KLHL32: variants seen among roughly 807,000 people sequenced by gnomAD.
KLHL32 encodes the protein kelch-like protein 32.
In KLHL32, 35 loss-of-function variants were observed where a neutral mutation model predicts 64.8. The observed-to-expected ratio is 0.54, with a 90% CI of 0.41 to 0.72. The LOEUF is 0.72. KLHL32 is among the 30% of genes least tolerant of loss of function. KLHL32 has a pLI of 0.00. For missense variants in KLHL32, 589 were observed against 768.5 expected, an observed-to-expected ratio of 0.77 and a Z score of 2.76; for synonymous variants, 259 against 281.0, an observed-to-expected ratio of 0.92 and a Z score of 0.78.
At chr6:96,906,891 C>G in the KLHL32 span, among the ~76,000 whole-genome samples, 2 of 152,148 alleles carry the variant, frequency 1.3e-5, no homozygotes, top group Admixed American at 1.3e-4. Context: ...GGCACAGTAG[C>G]TCTTATATGT....
At chr6:96,923,670 A>G (rs904160091), upstream of KLHL32, among the ~76,000 whole-genome samples, 18 of 152,260 alleles carry the variant, frequency 1.2e-4, no homozygotes, top group Admixed American at 1.2e-3. Flanking sequence ...AGATCAGGGC[A>G]CTGTTCCTAG....
intron 5 of KLHL32, among the ~76,000 whole-genome samples, chr6:97,072,443 A>G (rs1790894639): frequency 6.6e-6 from 1 of 152,154 alleles, no homozygotes; most frequent in South Asian, 2.1e-4. Context: ...ATCATGTCAT[A>G]TCCTTGCTTA....
intron 3 of KLHL32, among the ~76,000 whole-genome samples, chr6:97,028,619 A>G (rs1783071020): frequency 6.6e-6 from 1 of 152,170 alleles, no homozygotes; most frequent in Non-Finnish European, 1.5e-5. Flanking sequence ...GCAAGCCCCA[A>G]ATTCTGTCTT....
At chr6:97,119,102 T>C (rs555425738) in intron 7 of KLHL32, among the ~76,000 whole-genome samples, 1 of 152,332 alleles carries the variant, frequency 6.6e-6, no homozygotes, top group Admixed American at 6.5e-5. Flanking sequence ...CTGGGAAACA[T>C]GCAGTGTTTG....
chr6:96,898,992 G>GAAT, the KLHL32 span, among the ~76,000 whole-genome samples: 8 of 151,976 alleles, frequency 5.3e-5, no homozygotes, highest in Non-Finnish European at 8.8e-5. Context: ...TAATCGAATA[G>GAAT]AATAATAATA....
the KLHL32 span, among the ~76,000 whole-genome samples, chr6:96,900,005 C>G: frequency 6.6e-6 from 1 of 152,266 alleles, no homozygotes; most frequent in Non-Finnish European, 1.5e-5. Flanking sequence ...CTGTTCAACA[C>G]ATTGAACAGC....
At chr6:97,031,162 A>G (rs751634304) in intron 3 of KLHL32, among the ~76,000 whole-genome samples, 4 of 152,238 alleles carry the variant, frequency 2.6e-5, no homozygotes, top group Non-Finnish European at 5.9e-5. Context: ...CTGGTGTTTC[A>G]CTGTACCAAA....
At chr6:96,958,344 G>A (rs6899771) in intron 1 of KLHL32, among the ~76,000 whole-genome samples, 15,039 of 152,104 alleles carry the variant, frequency 0.099, 788 homozygotes, top group Middle Eastern at 0.16. Flanking sequence ...CTGTGACCTG[G>A]GAGGATCAGG....
the KLHL32 span, among the ~76,000 whole-genome samples, chr6:96,912,041 C>A: frequency 3.9e-5 from 6 of 151,956 alleles, no homozygotes; most frequent in South Asian, 1.0e-3. Context: ...AGATGTCTTC[C>A]CAGAAGTCCT....
intron 3 of KLHL32, among the ~76,000 whole-genome samples, chr6:96,982,383 C>G (rs906637566): frequency 6.6e-6 from 1 of 151,982 alleles, no homozygotes. Flanking sequence ...CTGCTTTTTT[C>G]CATTTTCTGT....
At chr6:97,105,986 C>T (rs1350324519) in intron 6 of KLHL32, among the ~76,000 whole-genome samples, 2 of 151,992 alleles carry the variant, frequency 1.3e-5, no homozygotes, top group African/African-American at 4.8e-5. Flanking sequence ...TTCTGGAAAT[C>T]GGAGAATAAC....
chr6:97,097,774 G>C (rs753347269), intron 6 of KLHL32, among the ~76,000 whole-genome samples: 1 of 152,038 alleles, frequency 6.6e-6, no homozygotes, highest in Non-Finnish European at 1.5e-5. Flanking sequence ...TTTCCATTCC[G>C]ATTGTGCAGT....
intron 1 of KLHL32, among the ~76,000 whole-genome samples, chr6:96,937,671 A>G (rs1665201649): frequency 6.6e-6 from 1 of 152,116 alleles, no homozygotes; most frequent in African/African-American, 2.4e-5. Flanking sequence ...CTCAATATTC[A>G]GTCATCAGGG....
At chr6:97,101,928 T>G (rs1795777105) in intron 6 of KLHL32, among the ~76,000 whole-genome samples, 1 of 152,372 alleles carries the variant, frequency 6.6e-6, no homozygotes, top group South Asian at 2.1e-4. Flanking sequence ...AGGATAATTA[T>G]ATTGGGGAAT....
chr6:97,137,305 C>T (rs538320512), intron 10 of KLHL32, among the ~76,000 whole-genome samples: 1 of 152,172 alleles, frequency 6.6e-6, no homozygotes, highest in South Asian at 2.1e-4. Flanking sequence ...AAAGAAAATA[C>T]ATCAATTAAC....
chr6:97,051,041 G>A (rs1317576752), intron 4 of KLHL32, among the ~76,000 whole-genome samples: 5 of 152,084 alleles, frequency 3.3e-5, no homozygotes, highest in Non-Finnish European at 4.4e-5. Flanking sequence ...ACATGTGTTT[G>A]AACAATATTC....
chr6:96,929,890 C>A (rs970795191), intron 1 of KLHL32, among the ~76,000 whole-genome samples: 1 of 152,116 alleles, frequency 6.6e-6, no homozygotes, highest in East Asian at 1.9e-4. Flanking sequence ...TAGCTTCTTC[C>A]CTTGCAAGGT....
intron 5 of KLHL32, among the ~76,000 whole-genome samples, chr6:97,076,884 T>C (rs182404364): frequency 6.6e-6 from 1 of 152,092 alleles, no homozygotes; most frequent in Non-Finnish European, 1.5e-5. Flanking sequence ...GTAAAATATT[T>C]AAATATTTTT....
At chr6:96,915,740 T>C in the KLHL32 span, among the ~76,000 whole-genome samples, 2 of 152,156 alleles carry the variant, frequency 1.3e-5, no homozygotes, top group Non-Finnish European at 2.9e-5. Flanking sequence ...GTACTATGTA[T>C]ATATGATTCC....
Sources: gnomAD v4.1 joint callset for allele counts (sites outside exome capture counted in the v4.1 genomes callset) on GRCh38, gnomAD v4.1.1 for gene constraint, MANE v1.5 for transcripts, NCBI Gene and HGNC (gene_info 2026-07-23, HGNC 2026-07-21) for gene names.